Variants in GCNA observed in about 807,000 individuals in gnomAD.
GCNA encodes the protein germ cell nuclear acidic peptidase, also known as germ cell nuclear acidic protein.
In GCNA, 3 loss-of-function variants were observed where a neutral mutation model predicts 38.8. The observed-to-expected ratio is 0.08, with a 90% confidence interval of 0.04 to 0.20. GCNA has a LOEUF of 0.20. Among genes scored for constraint, GCNA ranks in the 10% least tolerant of loss-of-function variants. The pLI is 1.00. For missense variants in GCNA, 446 were observed against 578.6 expected, an observed-to-expected ratio of 0.77 and a Z score of 2.35; for synonymous variants, 195 against 240.2, an observed-to-expected ratio of 0.81 and a Z score of 1.74.
intron 9 of GCNA, among the ~76,000 whole-genome samples, chrX:71,606,073 C>T (rs2040767516): frequency 8.9e-6 from 1 of 112,573 alleles, no homozygotes; most frequent in East Asian, 2.8e-4. Flanking sequence ...CAATGTGTAG[C>T]CAAACAAGAC....
chrX:71,604,569 C>G lies in GCNA; in HGVS notation c.1292C>G (p.Thr431Ser). ...CCACCGAGGAAAAGGCAGACAAAGA[C>G]CAAAAATATAGTGGAGCCACCAAGG... ...VEPPRKRQTK[T>S]KNIVEPPRKR... Residue 431 changes from threonine to serine, a missense_variant, in exon 8 of 13, where the codon ACC (threonine) becomes AGC (serine). Around this residue, in one of 7 missense-constraint regions of GCNA, gnomAD observed 160 missense variants for 165.2 expected, o/e 0.97. Coordinates refer to ENST00000373696, the MANE Select transcript of GCNA (RefSeq NM_052957.5). 8.4e-7 allele frequency: 1 copy of G among 1,194,242 alleles called. No homozygotes were observed. Among genetic ancestry groups the G allele is most frequent in the Non-Finnish European group, 1.1e-6 (1 of 886,439 alleles).
chrX:71,590,099 G>A (rs190665944), intron 2 of GCNA, among the ~76,000 whole-genome samples: 1 of 111,877 alleles, frequency 8.9e-6, no homozygotes, highest in African/African-American at 3.2e-5. Flanking sequence ...ATAGTAACAT[G>A]AGCCTTGAAA....
intron 6 of GCNA, among the ~76,000 whole-genome samples, chrX:71,597,118 C>T (rs771381864): frequency 3.6e-5 from 4 of 110,960 alleles, no homozygotes; most frequent in East Asian, 2.8e-4. Flanking sequence ...AACCAAAAGA[C>T]GACTTTGTCC....
chrX:71,612,835 G>A (rs1190051815), intron 12 of GCNA, 27 bp from the exon 13 acceptor site: 1 of 1,205,356 alleles, frequency 8.3e-7, no homozygotes. Flanking sequence ...TGATTCTTTT[G>A]TTGTGTGTTG....
At chrX:71,599,749 CAT>C (rs1232470443) in intron 7 of GCNA, among the ~76,000 whole-genome samples, 1 of 112,132 alleles carries the variant, frequency 8.9e-6, no homozygotes, top group East Asian at 2.8e-4. Flanking sequence ...TGTCACTGTA[CAT>C]AGTCATTTTT....
chrX:71,578,973 G>A (rs1297962919), intron 1 of GCNA, among the ~76,000 whole-genome samples: 4 of 106,350 alleles, frequency 3.8e-5, no homozygotes, highest in Non-Finnish European at 7.9e-5. Flanking sequence ...TGGCAGTGTC[G>A]GGGAAGTGGG....
intron 2 of GCNA, among the ~76,000 whole-genome samples, chrX:71,582,222 G>A (rs1224891610): frequency 9.8e-6 from 1 of 102,088 alleles, no homozygotes; most frequent in Non-Finnish European, 2.0e-5. Flanking sequence ...GCAGTGAGCC[G>A]AGATTGCGCC....
Position 71,603,987 on chromosome X carries a change from A to G in GCNA, c.710A>G (p.Asp237Gly). 8.3e-7 allele frequency: 1 copy of G among 1,210,608 alleles called. No homozygotes were observed. Among genetic ancestry groups the G allele is most frequent in the South Asian group, 1.8e-5 (1 of 56,885 alleles). Residue 237 changes from aspartate to glycine, a missense_variant, in exon 8 of 13, where the codon GAC becomes GGC. Coordinates refer to ENST00000373696, the MANE Select transcript of GCNA (RefSeq NM_052957.5). Reference protein sequence around the residue: ...DSSDDSDVPDDSSDDSEAPDD... With the variant: ...DSSDDSDVPDGSSDDSEAPDD... ...AGTGATGATTCGGATGTTCCCGACG[A>G]CAGCAGTGATGATTCGGAAGCTCCC...
chrX:71,592,488 A>AT (rs752788478), intron 3 of GCNA, 49 bp from the exon 4 acceptor site: 8 of 850,890 alleles, frequency 9.4e-6, no homozygotes, highest in South Asian at 2.5e-5. Flanking sequence ...AGGCAACCAG[A>AT]TTTTTTCATG....
chrX:71,582,273 A>G (rs1216003594), intron 2 of GCNA, among the ~76,000 whole-genome samples: 2 of 106,591 alleles, frequency 1.9e-5, no homozygotes, highest in African/African-American at 6.8e-5. Context: ...CTCTCTCCAA[A>G]AAAAAAAAAA....
At chrX:71,582,286 A>T (rs1312638411) in intron 2 of GCNA, among the ~76,000 whole-genome samples, 1 of 109,448 alleles carries the variant, frequency 9.1e-6, no homozygotes, top group Non-Finnish European at 1.9e-5. Context: ...AAAAAAAAAA[A>T]AATCAGCTTT....
chrX:71,612,977 G>T lies in GCNA; in HGVS notation c.2071G>T (p.Val691Leu), dbSNP rs761665279. 2 of 1,211,643 alleles carry T rather than the reference G, an allele frequency of 1.7e-6. No homozygotes were observed. Among genetic ancestry groups the T allele is most frequent in the Non-Finnish European group, 1.1e-6 (1 of 895,472 alleles). The change falls in exon 13 of 13, where the codon GTG becomes TTG. Residue 691 changes from valine (V) to leucine (L), a missense_variant. Coordinates refer to ENST00000373696, the MANE Select transcript of GCNA (RefSeq NM_052957.5). ...QKDGTRIVPH[V>L] ...AGATGGGACCCGTATTGTGCCCCACGTGTGACCATTTGCTGTGTATGTGCA... is the reference window on the plus strand; with the variant it reads ...AGATGGGACCCGTATTGTGCCCCACTTGTGACCATTTGCTGTGTATGTGCA...
chrX:71,612,368 T>C lies in GCNA; in HGVS notation c.1764T>C (p.Asp588=), dbSNP rs199619527. The C allele has an allele frequency of 1.6e-5, 19 of 1,189,763 alleles. No individual in the cohort carries two copies. Among genetic ancestry groups the C allele is most frequent in the Non-Finnish European group, 2.1e-5 (19 of 883,940 alleles). ...KVCDSADRIR[D]TLIHEMCHAA... ...TCTTCTTTCAAGACCGAATCCGGGA[T>C]ACCTTGATCCATGAAATGTGCCATG... Residue 588 remains aspartate, a synonymous_variant, in exon 12 of 13, where the codon GAT becomes GAC. Coordinates refer to ENST00000373696, the MANE Select transcript of GCNA (RefSeq NM_052957.5).
chrX:71,610,885 T>G, intron 11 of GCNA, 66 bp downstream of exon 11: 1 of 1,180,011 alleles, frequency 8.5e-7, no homozygotes, highest in Non-Finnish European at 1.1e-6. Flanking sequence ...CCTGTGAAAT[T>G]ACTCCTAGCT....
chrX:71,605,123 C>T (rs749078927), intron 8 of GCNA, among the ~76,000 whole-genome samples: 6 of 112,082 alleles, frequency 5.4e-5, no homozygotes, highest in Non-Finnish European at 3.8e-5. Flanking sequence ...TGAGCCTCTT[C>T]GTGGGAGGAC....
chrX:71,608,943 C>CAT, intron 9 of GCNA, 30 bp from the exon 10 acceptor site: 4 of 1,200,748 alleles, frequency 3.3e-6, no homozygotes, highest in Non-Finnish European at 4.5e-6. Flanking sequence ...TCTTTAGCTA[C>CAT]ATAAACCTCA....
At chrX:71,585,059 C>A (rs765481228) in intron 2 of GCNA, among the ~76,000 whole-genome samples, 1 of 109,511 alleles carries the variant, frequency 9.1e-6, no homozygotes, top group East Asian at 2.9e-4. Flanking sequence ...ACCTGTAATC[C>A]CGGCACTTTG....
At chrX:71,579,008 T>G in intron 1 of GCNA, among the ~76,000 whole-genome samples, 1 of 75,987 alleles carries the variant, frequency 1.3e-5, no homozygotes, top group Admixed American at 1.5e-4. Context: ...TGTAGGAGCA[T>G]GTGGTAGCAC....
chrX:71,593,085 G>A (rs1372524237), intron 4 of GCNA, among the ~76,000 whole-genome samples: 4 of 110,757 alleles, frequency 3.6e-5, no homozygotes, highest in African/African-American at 1.3e-4. Flanking sequence ...GTAGAGATGG[G>A]GTTTCACCAT....
Sources: gnomAD v4.1 joint callset for allele counts (sites outside exome capture counted in the v4.1 genomes callset) on GRCh38, gnomAD v4.1.1 for gene constraint, gnomAD v4.1.1 regional missense constraint, MANE v1.5 for transcripts, NCBI Gene and HGNC (gene_info 2026-07-23, HGNC 2026-07-21) for gene names.